Variants in DLGAP1 observed in about 807,000 individuals in gnomAD.
The protein encoded by DLGAP1 is disks large-associated protein 1.
A neutral mutation model predicts 90.8 loss-of-function variants in DLGAP1; 11 were observed. The ratio of observed to expected loss-of-function variants is 0.12; its 90% CI spans 0.08 to 0.20. DLGAP1 has a LOEUF of 0.20. DLGAP1 is among the 10% of genes least tolerant of loss of function. DLGAP1 has a pLI of 1.00. For missense variants in DLGAP1, 1,050 were observed against 1,333.8 expected, an observed-to-expected ratio of 0.79 and a Z score of 3.31; for synonymous variants, 558 against 540.7, an observed-to-expected ratio of 1.03 and a Z score of -0.44.
At chr18:3,858,941 A>G (rs16945513) in intron 4 of DLGAP1, among the ~76,000 whole-genome samples, 6,043 of 152,320 alleles carry the variant, frequency 0.04, 171 homozygotes, top group Non-Finnish European at 0.065. Context: ...TGAACAATAG[A>G]ACTTTCATGC....
intron 7 of DLGAP1, among the ~76,000 whole-genome samples, chr18:3,595,117 T>C (rs2056504363): frequency 6.6e-6 from 1 of 152,154 alleles, no homozygotes. Flanking sequence ...TCTCTCTGCG[T>C]TAGAGGAATA....
intron 1 of DLGAP1, among the ~76,000 whole-genome samples, chr18:4,158,487 G>C (rs372962098): frequency 7.2e-5 from 11 of 152,184 alleles, no homozygotes; most frequent in African/African-American, 2.6e-4. Context: ...GTTATGAACT[G>C]GCACACAACT....
intron 3 of DLGAP1, among the ~76,000 whole-genome samples, chr18:3,940,926 T>C (rs1202949754): frequency 1.3e-5 from 2 of 152,192 alleles, no homozygotes; most frequent in East Asian, 3.9e-4. Context: ...GACTTAAAAC[T>C]TTCCCACAGT....
chr18:3,562,156 G>A (rs183658555), intron 9 of DLGAP1, among the ~76,000 whole-genome samples: 96 of 152,164 alleles, frequency 6.3e-4, no homozygotes, highest in Non-Finnish European at 2.2e-4. Context: ...GAACCCAGGA[G>A]GCAGAGGTTG....
At chr18:4,364,522 A>G (rs1436895183) in intron 1 of DLGAP1, among the ~76,000 whole-genome samples, 9 of 152,104 alleles carry the variant, frequency 5.9e-5, no homozygotes, top group African/African-American at 1.7e-4. Flanking sequence ...ACAAACAGTA[A>G]TGGCAATAAA....
Position 3,687,890 on chromosome 18 carries a change from C to A in DLGAP1, c.1591+41245G>T, listed in dbSNP as rs181409404. On this transcript the variant is annotated intron_variant, in intron 7 of 12. Transcript: ENST00000315677. Reference sequence around the variant, plus strand: ...GCTTTATAATAATGAGTATAATTATCCCAATCCTCAGAGACTGTTTTTTTT... The same window carrying A: ...GCTTTATAATAATGAGTATAATTATACCAATCCTCAGAGACTGTTTTTTTT... Among the ~76,000 whole-genome samples the A allele has an allele frequency of 2.9e-3, 445 of 151,552 alleles. 1 individual carries two copies. Among genetic ancestry groups the A allele is most frequent in the African/African-American group, 0.01 (428 of 41,260 alleles).
chr18:3,581,313 C>T (rs920485623), intron 8 of DLGAP1, among the ~76,000 whole-genome samples: 2 of 152,126 alleles, frequency 1.3e-5, no homozygotes, highest in African/African-American at 4.8e-5. Flanking sequence ...ATTCTTTTCC[C>T]TCAAAATAGT....
chr18:3,906,008 T>C (rs1368940132), intron 3 of DLGAP1, among the ~76,000 whole-genome samples: 1 of 152,188 alleles, frequency 6.6e-6, no homozygotes, highest in Non-Finnish European at 1.5e-5. Flanking sequence ...AAAACATACC[T>C]GAGGAATTGC....
At chr18:4,275,321 T>G (rs1187810921) in intron 1 of DLGAP1, 1 of 152,184 alleles carries the variant, frequency 6.6e-6, no homozygotes, top group African/African-American at 2.4e-5. Context: ...CCCTTAGAGA[T>G]CCTCGTGGTG....
intron 4 of DLGAP1, among the ~76,000 whole-genome samples, chr18:3,867,385 G>A (rs2070464349): frequency 6.6e-6 from 1 of 152,098 alleles, no homozygotes; most frequent in South Asian, 2.1e-4. Context: ...CTGCACAAAA[G>A]GAAAGGGAAA....
At chr18:4,335,489 T>C (rs987368839) in intron 1 of DLGAP1, among the ~76,000 whole-genome samples, 3 of 151,906 alleles carry the variant, frequency 2.0e-5, no homozygotes, top group African/African-American at 4.9e-5. Flanking sequence ...AAGTTTGTTT[T>C]ATCAGGACTT....
intron 7 of DLGAP1, among the ~76,000 whole-genome samples, chr18:3,703,408 A>G (rs889918800): frequency 6.6e-6 from 1 of 152,260 alleles, no homozygotes; most frequent in African/African-American, 2.4e-5. Flanking sequence ...AATACTATAA[A>G]GGACAAATAA....
intron 2 of DLGAP1, among the ~76,000 whole-genome samples, chr18:4,097,413 C>T (rs1568394877): frequency 6.6e-6 from 1 of 152,224 alleles, no homozygotes. Flanking sequence ...ATCTCTTGGT[C>T]TTTGCAAGCC....
chr18:3,803,276 C>T (rs1460797981), intron 5 of DLGAP1, among the ~76,000 whole-genome samples: 1 of 152,142 alleles, frequency 6.6e-6, no homozygotes, highest in Non-Finnish European at 1.5e-5. Flanking sequence ...AGCTTCGTCT[C>T]CAGCTTCTCT....
At chr18:4,449,084 G>A (rs280986) in intron 1 of DLGAP1, among the ~76,000 whole-genome samples, 8,393 of 152,166 alleles carry the variant, frequency 0.055, 322 homozygotes, top group Middle Eastern at 0.11. Flanking sequence ...AACAAAACTA[G>A]GTTATAATTA....
chr18:4,368,745 T>C (rs1030668886), intron 1 of DLGAP1, among the ~76,000 whole-genome samples: 1 of 148,360 alleles, frequency 6.7e-6, no homozygotes, highest in African/African-American at 2.5e-5. Flanking sequence ...TTTTTCTAAT[T>C]TTCAAGATAG....
At chr18:3,853,672 C>A (rs1007039830) in intron 4 of DLGAP1, among the ~76,000 whole-genome samples, 3 of 151,942 alleles carry the variant, frequency 2.0e-5, no homozygotes, top group Non-Finnish European at 2.9e-5. Flanking sequence ...GTGTTTCCAT[C>A]TTACTGGTTC....
chr18:3,980,119 A>C (rs114442122), intron 3 of DLGAP1, among the ~76,000 whole-genome samples: 2,858 of 152,264 alleles, frequency 0.019, 82 homozygotes, highest in African/African-American at 0.065. Flanking sequence ...CTGAGTGACA[A>C]AGCGAGACTT....
intron 2 of DLGAP1, among the ~76,000 whole-genome samples, chr18:4,031,107 G>C (rs1356783506): frequency 3.3e-5 from 5 of 152,058 alleles, no homozygotes; most frequent in Non-Finnish European, 2.9e-5. Context: ...GTCAGCAGGG[G>C]TCCAGCATGA....
Sources: allele counts gnomAD v4.1 joint callset (sites outside exome capture counted in the v4.1 genomes callset), GRCh38; gene constraint gnomAD v4.1.1; transcripts MANE v1.5; gene names NCBI Gene and HGNC (gene_info 2026-07-23, HGNC 2026-07-21).